Variants in TRPC3 observed in about 807,000 individuals in gnomAD.
TRPC3 encodes the protein short transient receptor potential channel 3.
In TRPC3, 54 loss-of-function variants were observed where a neutral mutation model predicts 90.9. The observed-to-expected ratio is 0.59, with a 90% CI of 0.48 to 0.75. The LOEUF (loss-of-function observed/expected upper bound fraction) is 0.75, where lower values mean the gene tolerates loss of function less well. Among genes scored for constraint, TRPC3 ranks in the 30% least tolerant of loss-of-function variants. The pLI is 0.00. For missense variants in TRPC3, 918 were observed against 1,194.5 expected, an observed-to-expected ratio of 0.77 and a Z score of 3.41; for synonymous variants, 424 against 450.9, an observed-to-expected ratio of 0.94 and a Z score of 0.75.
chr4:121,922,831 C>G (rs529849700), intron 3 of TRPC3, among the ~76,000 whole-genome samples: 13 of 152,214 alleles, frequency 8.5e-5, no homozygotes, highest in Non-Finnish European at 5.9e-5. Flanking sequence ...AACAAAACCT[C>G]AACTAGCAAG....
intron 1 of TRPC3, among the ~76,000 whole-genome samples, chr4:121,942,165 C>A (rs1316497559): frequency 2.6e-5 from 4 of 152,190 alleles, no homozygotes; most frequent in Non-Finnish European, 4.4e-5. Flanking sequence ...TATAAGCATT[C>A]CAGCACTTAT....
chr4:121,925,173 C>G lies in TRPC3; in HGVS notation c.1021G>C (p.Asp341His). 6.2e-7 allele frequency: 1 copy of G among 1,613,458 alleles called. No individual in the cohort carries two copies. Among genetic ancestry groups the G allele is most frequent in the Non-Finnish European group, 8.5e-7 (1 of 1,179,816 alleles). The change falls in exon 3 of 12, where the codon GAC (aspartate) becomes CAC (histidine). Residue 341 changes from aspartate (D) to histidine (H), a missense_variant. Physicochemically the swap from Asp to His is moderately conservative, Grantham distance 81. Around this residue, in one of 4 missense-constraint regions of TRPC3, gnomAD observed 609 missense variants for 725.9 expected, o/e 0.84. Transcript: ENST00000379645. ...AGATCCAGCACACCCACTACAAAGT[C>G]TTTGCATTGCATGGAGAGCTTCCGA... ...DYRKLSMQCK[D>H]FVVGVLDLCR... is the part of the protein sequence containing the mutation.
At chr4:121,922,278 T>C (rs1729549409) in intron 3 of TRPC3, among the ~76,000 whole-genome samples, 1 of 152,164 alleles carries the variant, frequency 6.6e-6, no homozygotes, top group South Asian at 2.1e-4. Flanking sequence ...TTGCAAGTAT[T>C]CTAGAATAGA....
At chr4:121,939,519 C>G (rs978132476) in intron 1 of TRPC3, among the ~76,000 whole-genome samples, 1 of 152,178 alleles carries the variant, frequency 6.6e-6, no homozygotes, top group African/African-American at 2.4e-5. Context: ...AAGTAAAAGT[C>G]AAGATGTGGA....
Position 121,932,964 on chromosome 4 carries a change from C to T in TRPC3, c.294G>A (p.Pro98=), listed in dbSNP as rs751687075. ...TGCCGCGGTCATTGAACATGAAGGC[C>T]GGGCCCCTGACAGCCTGGCGCCGGC... is the stretch of plus-strand genomic sequence containing the variant. The part of the protein sequence containing the change: ...EKGRRQAVRG[P]AFMFNDRGTS... Residue 98 remains proline, a synonymous_variant, in exon 2 of 12, where the codon CCG becomes CCA. Coordinates refer to ENST00000379645, the MANE Select transcript of TRPC3 (RefSeq NM_001130698.2). This position sits in a 1 kb window ranked among gnomAD's most constrained non-coding sequence, Gnocchi z 7.7. 1.2e-6 allele frequency: 2 copies of T among 1,612,996 alleles called. No individual in the cohort carries two copies. The highest frequency in any genetic ancestry group is 2.2e-5 in the East Asian group (1 of 44,866).
In TRPC3 at chr4:121,932,075, C is replaced by T. The variant is rs749869952; in HGVS notation, c.987+196G>A. On this transcript the variant is annotated intron_variant, in intron 2 of 11. Transcript: ENST00000379645. The surrounding 1 kb of genome is among the most constrained non-coding windows in gnomAD (Gnocchi z 7.7). ...GATCCAGAATACTGGATCCCCAAAG[C>T]GAATTTGTCACAGCACCATCATTGA... Among the ~76,000 whole-genome samples the T allele has an allele frequency of 1.3e-5, 2 of 152,146 alleles. No homozygotes were observed. Among genetic ancestry groups the T allele is most frequent in the African/African-American group, 2.4e-5 (1 of 41,422 alleles).
At position 121,932,607 on chromosome 4, in the gene TRPC3, G is replaced by A. The variant is rs769632483; in HGVS notation, c.651C>T (p.Asp217=). The A allele has an allele frequency of 1.2e-6, 2 of 1,613,922 alleles. No homozygotes were observed. Among genetic ancestry groups the A allele is most frequent in the South Asian group, 2.2e-5 (2 of 91,082 alleles). The change falls in exon 2 of 12, where the codon GAC becomes GAT. Residue 217 remains aspartate (D), a synonymous_variant. Transcript: ENST00000379645. The surrounding 1 kb of genome is among the most constrained non-coding windows in gnomAD (Gnocchi z 7.7). ...CCTCGTCGTAAGCGTAGAAGTCGTC[G>A]TCCTGCAGCTCCTGCTCACAGGGGC... ...TLSPCEQELQ[D]DDFYAYDEDG...
At chr4:121,895,143 A>G (rs1166362816) in intron 10 of TRPC3, among the ~76,000 whole-genome samples, 2 of 152,076 alleles carry the variant, frequency 1.3e-5, no homozygotes, top group African/African-American at 2.4e-5. Context: ...ACATACCAAC[A>G]CCCATGCAAC....
rs549170141 is a variant in TRPC3 at position 121,937,391 on chromosome 4, C to T, written c.216-4349G>A. Reference sequence around the variant, plus strand: ...ATGAAGTTGAAATAATATGTTTGAGCAGCACAGGCTAAGGGACAAGTAGCC... The same window carrying T: ...ATGAAGTTGAAATAATATGTTTGAGTAGCACAGGCTAAGGGACAAGTAGCC... On this transcript the variant is annotated intron_variant, in intron 1 of 11. Coordinates refer to ENST00000379645, the MANE Select transcript of TRPC3 (RefSeq NM_001130698.2). 4.6e-5 allele frequency among the ~76,000 whole-genome samples: 7 copies of T among 152,334 alleles called. No homozygotes were observed. In the South Asian group the frequency reaches 1.0e-3, roughly 23 times the overall value.
At chr4:121,908,965 G>A (rs1000232034) in intron 6 of TRPC3, among the ~76,000 whole-genome samples, 2 of 152,044 alleles carry the variant, frequency 1.3e-5, no homozygotes, top group Admixed American at 6.6e-5. Context: ...TCTCTTTAGA[G>A]ATGCAGAAAC....
intron 10 of TRPC3, among the ~76,000 whole-genome samples, chr4:121,883,335 TAAAG>T (rs1315393203): frequency 1.3e-5 from 2 of 152,028 alleles, no homozygotes; most frequent in African/African-American, 4.8e-5. Context: ...AGAGATACTA[TAAAG>T]AAAGTGAAAA....
chr4:121,945,510 G>A (rs1220426449), intron 1 of TRPC3, among the ~76,000 whole-genome samples: 1 of 152,206 alleles, frequency 6.6e-6, no homozygotes, highest in Non-Finnish European at 1.5e-5. Context: ...TCCAACTACA[G>A]TGGCTGTTAC....
chr4:121,930,761 A>G (rs1396369696), intron 2 of TRPC3: 1 of 362,900 alleles, frequency 2.8e-6, no homozygotes, highest in Admixed American at 4.1e-5. Context: ...GATATTTACA[A>G]GTGCTTTACC....
chr4:121,879,988 G>T, intron 11 of TRPC3, 110 bp from the exon 12 acceptor site: 1 of 1,033,636 alleles, frequency 9.7e-7, no homozygotes, highest in Non-Finnish European at 1.3e-6. Context: ...AGGTCTCCAA[G>T]GTAGCTACTT....
chr4:121,882,410 A>G lies in TRPC3; in HGVS notation c.2567T>C (p.Ile856Thr), dbSNP rs759890523. The change falls in exon 11 of 12, where the codon ATA becomes ACA. Residue 856 changes from isoleucine (I) to threonine (T), a missense_variant. By Grantham distance (89) the Ile-to-Thr change is moderately conservative. This residue lies in a region of TRPC3 where 121 missense variants were observed against 135.7 expected (regional missense o/e 0.89). Transcript: ENST00000379645. ...TRYQQIMKRL[I>T]KRYVLKAQVD... ...TTGTGCTTTCAAAACATACCGCTTT[A>G]TAAGTCTTTTCATTATCTGCTGTTG... 3 of 1,610,592 alleles carry G rather than the reference A, an allele frequency of 1.9e-6. No homozygotes were observed. Among genetic ancestry groups the G allele is most frequent in the Non-Finnish European group, 2.5e-6 (3 of 1,178,648 alleles).
At chr4:121,897,878 A>C (rs1728573206) in intron 10 of TRPC3, among the ~76,000 whole-genome samples, 1 of 152,168 alleles carries the variant, frequency 6.6e-6, no homozygotes, top group South Asian at 2.1e-4. Context: ...CACTATTCAC[A>C]ATATTCAAAA....
At chr4:121,911,663 C>T (rs112442519) in intron 5 of TRPC3, among the ~76,000 whole-genome samples, 7 of 152,198 alleles carry the variant, frequency 4.6e-5, no homozygotes, top group African/African-American at 1.4e-4. Flanking sequence ...ATTAGGGTCA[C>T]GTTACTCATA....
rs138742672 is a variant in TRPC3, at chr4:121,909,136, T to A, written c.1792+1018A>T. ...TACCTAAAATACAATCTAAAATTAATTCTTTAATTACAAATGGTGATCATT... is the reference window on the plus strand; with the variant it reads ...TACCTAAAATACAATCTAAAATTAAATCTTTAATTACAAATGGTGATCATT... On this transcript the variant is annotated intron_variant, in intron 6 of 11. Transcript: ENST00000379645. Among the ~76,000 whole-genome samples the A allele has an allele frequency of 7.3e-3, 1,117 of 152,248 alleles. 13 individuals carry two copies. The highest frequency in any genetic ancestry group is 0.034 in the Middle Eastern group (10 of 294).
Position 121,914,826 on chromosome 4 carries a change from C to T in TRPC3, c.1295G>A (p.Gly432Asp). The change falls in exon 4 of 12, where the codon GGC becomes GAC. Residue 432 changes from glycine to aspartate, a missense_variant. Around this residue, in one of 4 missense-constraint regions of TRPC3, gnomAD observed 609 missense variants for 725.9 expected, o/e 0.84. Transcript: ENST00000379645. ...KCLVVLVVALGLPFLAIGYWI... is the reference protein window; with the variant it reads ...KCLVVLVVALDLPFLAIGYWI... ...GTAGCCAATGGCCAGGAATGGAAGG[C>T]CCAGGGCCACGACCAGCACAACGAG... The T allele has an allele frequency of 6.2e-7, 1 of 1,613,502 alleles. No individual in the cohort carries two copies. Among genetic ancestry groups the T allele is most frequent in the Non-Finnish European group, 8.5e-7 (1 of 1,179,610 alleles).
Sources: gnomAD v4.1 joint callset for allele counts (sites outside exome capture counted in the v4.1 genomes callset) on GRCh38, gnomAD v4.1.1 for gene constraint, gnomAD v4.1.1 regional missense constraint, Gnocchi (gnomAD v3.1) non-coding constraint, MANE v1.5 for transcripts, NCBI Gene and HGNC (gene_info 2026-07-23, HGNC 2026-07-21) for gene names.